Variants in GOLGA5 observed in about 807,000 individuals in gnomAD.
GOLGA5 encodes golgin A5.
GOLGA5 carries 50 observed loss-of-function variants against 93.5 expected under a neutral mutation model. The observed-to-expected ratio is 0.53, with a 90% confidence interval of 0.43 to 0.68. The LOEUF (loss-of-function observed/expected upper bound fraction) is 0.68. GOLGA5 is among the 30% of genes least tolerant of loss of function. GOLGA5 has a pLI of 0.00. For synonymous variants in GOLGA5, 312 were observed against 304.5 expected (o/e 1.02, Z -0.26); for missense variants, 760 against 856.4 (o/e 0.89, Z 1.40).
intron 7 of GOLGA5, 115 bp from the exon 8 acceptor site, chr14:92,819,593 A>T: frequency 1.1e-6 from 1 of 903,044 alleles, no homozygotes; most frequent in Non-Finnish European, 1.8e-6. Flanking sequence ...TGATTGTGCC[A>T]CTGCACTCCA....
intron 7 of GOLGA5, among the ~76,000 whole-genome samples, chr14:92,818,617 T>G (rs1885256105): frequency 6.6e-6 from 1 of 152,244 alleles, no homozygotes; most frequent in Admixed American, 6.5e-5. Flanking sequence ...CCTCTAAATC[T>G]ACAAAGTTGT....
At chr14:92,832,914 A>G (rs777986758) in intron 9 of GOLGA5, among the ~76,000 whole-genome samples, 5 of 152,186 alleles carry the variant, frequency 3.3e-5, no homozygotes, top group Admixed American at 1.3e-4. Context: ...GTCCCATTCT[A>G]TTACATTTTC....
At chr14:92,819,465 A>T (rs1002125212) in intron 7 of GOLGA5, among the ~76,000 whole-genome samples, 7 of 117,688 alleles carry the variant, frequency 5.9e-5, no homozygotes, top group African/African-American at 2.3e-4. Context: ...CCCATCTCTT[A>T]AAAAAAAAAA....
At chr14:92,803,527 G>C (rs1884918835) in intron 2 of GOLGA5, among the ~76,000 whole-genome samples, 1 of 152,078 alleles carries the variant, frequency 6.6e-6, no homozygotes. Flanking sequence ...TCAGGACCTG[G>C]GGTATTCTTA....
At chr14:92,821,190 A>G (rs1032465634) in intron 8 of GOLGA5, among the ~76,000 whole-genome samples, 2 of 152,216 alleles carry the variant, frequency 1.3e-5, no homozygotes, top group Non-Finnish European at 2.9e-5. Flanking sequence ...TGGTTTTCAT[A>G]GTTTATTGCA....
intron 2 of GOLGA5, among the ~76,000 whole-genome samples, chr14:92,803,638 C>T (rs778007694): frequency 6.6e-6 from 1 of 152,094 alleles, no homozygotes; most frequent in African/African-American, 2.4e-5. Flanking sequence ...CAATGTCATA[C>T]ACATTTTGAG....
intron 6 of GOLGA5, among the ~76,000 whole-genome samples, chr14:92,814,929 T>C (rs963415951): frequency 2.0e-5 from 3 of 152,310 alleles, no homozygotes; most frequent in Non-Finnish European, 4.4e-5. Flanking sequence ...TCTTTATTAT[T>C]TATGATCCTT....
At chr14:92,799,072 A>T (rs924131516) in intron 2 of GOLGA5, among the ~76,000 whole-genome samples, 8 of 150,812 alleles carry the variant, frequency 5.3e-5, no homozygotes, top group African/African-American at 1.7e-4. Context: ...GGCTCAAGCG[A>T]TCCTCCTGCC....
intron 12 of GOLGA5, 43 bp from the exon 13 acceptor site, chr14:92,839,323 T>C (rs1376018903): frequency 7.6e-7 from 1 of 1,321,362 alleles, no homozygotes; most frequent in African/African-American, 1.4e-5. Flanking sequence ...TTGGTAAAAA[T>C]TGGTTTATTG....
chr14:92,827,831 T>C (rs1053140051), intron 9 of GOLGA5, among the ~76,000 whole-genome samples: 2 of 152,188 alleles, frequency 1.3e-5, no homozygotes, highest in African/African-American at 4.8e-5. Flanking sequence ...AGGAGAAAGT[T>C]TGAGTGGTCT....
Position 92,797,544 on chromosome 14 carries a change from A to G in GOLGA5, c.107A>G (p.Tyr36Cys), listed in dbSNP as rs1400802763. 2 of 1,613,296 alleles carry G rather than the reference A, an allele frequency of 1.2e-6. No individual in the cohort carries two copies. The highest frequency in any genetic ancestry group is 1.7e-6 in the Non-Finnish European group (2 of 1,179,196). Residue 36 changes from tyrosine (Y) to cysteine (C), a missense_variant, in exon 2 of 13, where the codon TAT (tyrosine) becomes TGT (cysteine). Coordinates refer to ENST00000163416, the MANE Select transcript of GOLGA5 (RefSeq NM_005113.4). The part of the protein sequence containing the change: ...LSRKDNASNI[Y>C]SKNTDYTELH... Reference sequence around the variant, plus strand: ...AGGAAAGACAATGCCAGCAACATATATAGCAAAAATACTGACTATACTGAA... The same window carrying G: ...AGGAAAGACAATGCCAGCAACATATGTAGCAAAAATACTGACTATACTGAA...
Position 92,797,887 on chromosome 14 carries a change from T to G in GOLGA5, c.450T>G (p.Phe150Leu). Reference sequence around the variant, plus strand: ...AGGAAAAAGGCAAGACACCTGTCTTTCAGAGCTCTCAGACATCAAGTGTCA... The same window carrying G: ...AGGAAAAAGGCAAGACACCTGTCTTGCAGAGCTCTCAGACATCAAGTGTCA... ...IRKEKGKTPV[F>L]QSSQTSSVSS... The change falls in exon 2 of 13, where the codon TTT becomes TTG. Residue 150 changes from phenylalanine to leucine, a missense_variant. By Grantham distance (22) the Phe-to-Leu change is conservative (BLOSUM62 0). Transcript: ENST00000163416. 3 of 1,612,318 alleles carry G rather than the reference T, an allele frequency of 1.9e-6. No individual in the cohort carries two copies. In the East Asian group the frequency reaches 6.7e-5, roughly 36 times the overall value.
intron 1 of GOLGA5, among the ~76,000 whole-genome samples, chr14:92,795,640 G>A (rs1268913870): frequency 1.3e-5 from 2 of 152,178 alleles, no homozygotes; most frequent in Non-Finnish European, 2.9e-5. Flanking sequence ...TGCCTACTGT[G>A]TGCTAGACTC....
At chr14:92,837,248 A>T in intron 11 of GOLGA5, 138 bp from the exon 12 acceptor site, 1 of 548,728 alleles carries the variant, frequency 1.8e-6, no homozygotes. Flanking sequence ...TCTGCTATAA[A>T]AATTGTTCTT....
intron 9 of GOLGA5, among the ~76,000 whole-genome samples, chr14:92,825,058 T>C (rs11848569): frequency 3.2e-3 from 485 of 152,258 alleles, no homozygotes; most frequent in Middle Eastern, 0.014. Context: ...AAATGTAAAA[T>C]GTACAGAAAA....
chr14:92,826,104 A>G (rs1475076714), intron 9 of GOLGA5, among the ~76,000 whole-genome samples: 2 of 152,176 alleles, frequency 1.3e-5, no homozygotes, highest in South Asian at 2.1e-4. Context: ...GCAGTGAGCT[A>G]TGATCACCCC....
chr14:92,811,712 G>A lies in GOLGA5; in HGVS notation c.1278G>A (p.Gln426=), dbSNP rs886457341. 1.9e-6 allele frequency: 3 copies of A among 1,613,144 alleles called. No homozygotes were observed. The highest frequency in any genetic ancestry group is 1.7e-6 in the Non-Finnish European group (2 of 1,179,504). Residue 426 remains glutamine, a synonymous_variant, in exon 6 of 13, where the codon CAG becomes CAA. Transcript: ENST00000163416. ...LYKLNLESSK[Q]ELIDYKQKAT... ...AGTTGAACTTGGAGTCCTCTAAGCA[G>A]GAATTAATTGACTACAAGCAAAAAG...
At chr14:92,834,184 C>CTTTTTTTTTTT (rs35449807) in intron 10 of GOLGA5, among the ~76,000 whole-genome samples, 8 of 135,052 alleles carry the variant, frequency 5.9e-5, no homozygotes, top group Non-Finnish European at 1.1e-4. Context: ...TAGGTTTCAC[C>CTTTTTTTTTTT]TTTTTTTTTT....
chr14:92,794,643 T>C (rs906173192), intron 1 of GOLGA5, among the ~76,000 whole-genome samples, 187 bp downstream of exon 1: 4 of 152,246 alleles, frequency 2.6e-5, no homozygotes, highest in Non-Finnish European at 4.4e-5. Context: ...CGTCGTTTAC[T>C]GCCCTCCTCT....
Sources: gnomAD v4.1 joint callset for allele counts (sites outside exome capture counted in the v4.1 genomes callset) on GRCh38, gnomAD v4.1.1 for gene constraint, MANE v1.5 for transcripts, NCBI Gene and HGNC (gene_info 2026-07-23, HGNC 2026-07-21) for gene names.